NR2F1: variants seen among roughly 807,000 people sequenced by gnomAD.
NR2F1 encodes nuclear receptor subfamily 2 group F member 1.
NR2F1 carries 1 observed loss-of-function variant against 37.7 expected under a neutral mutation model. That is an observed-to-expected ratio of 0.03 (90% CI 0.01 to 0.13). The LOEUF is 0.13. NR2F1 is among the 10% of genes least tolerant of loss of function. The pLI is 1.00. For synonymous variants in NR2F1, 275 were observed against 259.6 expected (o/e 1.06, Z -0.57); for missense variants, 268 against 578.4 (o/e 0.46, Z 5.50).
Position 93,593,913 on chromosome 5 carries a change from A to AGCC in NR2F1, c.*74_*76dup. ...GACCCACCTGGGCCAAGGACTCCAA[A>AGCC]GCCGCGGGGACACCGGGAAGTGCAG... On this transcript the variant is annotated 3_prime_UTR_variant, in exon 3 of 3. Transcript: ENST00000327111. The surrounding 1 kb of genome is among the most constrained non-coding windows in gnomAD (Gnocchi z 5.6). 1 of 1,478,880 alleles carries AGCC rather than the reference A, an allele frequency of 6.8e-7. No individual in the cohort carries two copies. Among genetic ancestry groups the AGCC allele is most frequent in the South Asian group, 1.3e-5 (1 of 78,732 alleles). 91.6% of individuals were successfully genotyped at this position (1,478,880 alleles called of 1,614,324 possible).
chr5:93,583,787 C>G lies in NR2F1; in HGVS notation c.-1237C>G, dbSNP rs968701811. 4 of 152,248 alleles carry G rather than the reference C, an allele frequency of 2.6e-5. No individual in the cohort carries two copies. The highest frequency in any genetic ancestry group is 4.4e-5 in the Non-Finnish European group (3 of 68,012). 9.4% of individuals were successfully genotyped at this position (152,248 alleles called of 1,614,324 possible). ...TATTTATTCGACCTACTTTGGATGT[C>G]TCTCTCGCTTTTCCTTTTTCCTTTT... is the stretch of plus-strand genomic sequence containing the variant. On this transcript the variant is annotated 5_prime_UTR_variant, in exon 1 of 3. Coordinates refer to ENST00000327111, the MANE Select transcript of NR2F1 (RefSeq NM_005654.6).
rs1157996670 is a variant in NR2F1 at position 93,583,815 on chromosome 5, T to C, written c.-1209T>C. ...TCTCGCTTTTCCTTTTTCCTTTTTT[T>C]GGCAATTATTTTCTTCTGATTTTTA... On this transcript the variant is annotated 5_prime_UTR_variant, in exon 1 of 3. Transcript: ENST00000327111. The C allele has an allele frequency of 6.6e-6, 1 of 152,304 alleles. No individual in the cohort carries two copies. The highest frequency in any genetic ancestry group is 1.5e-5 in the Non-Finnish European group (1 of 68,022). The allele number at this position is 152,304 out of a possible 1,614,324, so 9.4% of individuals were successfully genotyped here. A position where few individuals can be genotyped will look rare whatever the true frequency, so the allele number is the denominator to read the frequency against.
chr5:93,585,493 A>G lies in NR2F1; in HGVS notation c.463+7A>G. On this transcript the variant is annotated splice_region_variant and intron_variant, in intron 1 of 2. Coordinates refer to ENST00000327111, the MANE Select transcript of NR2F1 (RefSeq NM_005654.6). Reference sequence around the variant, plus strand: ...GTGGGCATGAGGCGGGAAGGTGAATATTTCTTCTCTGCTTCTCTCCCCGCG... The same window carrying G: ...GTGGGCATGAGGCGGGAAGGTGAATGTTTCTTCTCTGCTTCTCTCCCCGCG... 1 of 1,602,794 alleles carries G rather than the reference A, an allele frequency of 6.2e-7. No individual in the cohort carries two copies. The highest frequency in any genetic ancestry group is 1.1e-5 in the South Asian group (1 of 90,766).
In NR2F1 at chr5:93,586,672, A is replaced by G. The variant is rs545318339; in HGVS notation, c.463+1186A>G. Among the ~76,000 whole-genome samples the G allele has an allele frequency of 2.6e-5, 4 of 152,300 alleles. No homozygotes were observed. The South Asian group carries it at 6.2e-4, about 24-fold the overall frequency. ...TGAATTCCTTCAGATCTCAAGGAGC[A>G]GACAAATATGACTACTTCATTTCTA... On this transcript the variant is annotated intron_variant, in intron 1 of 2. Coordinates refer to ENST00000327111, the MANE Select transcript of NR2F1 (RefSeq NM_005654.6).
chr5:93,587,581 G>T (rs1753254485), intron 1 of NR2F1: 1 of 279,854 alleles, frequency 3.6e-6, no homozygotes, highest in Admixed American at 5.2e-5. Context: ...GGTGAGTGGG[G>T]TTTCATTTAT....
At chr5:93,587,511 C>G (rs1206866823) in intron 1 of NR2F1, 2 of 185,414 alleles carry the variant, frequency 1.1e-5, no homozygotes, top group African/African-American at 4.7e-5. Context: ...TGCCTAGAAC[C>G]ACAACCTTTC....
At chr5:93,588,507 C>T in intron 2 of NR2F1, 63 bp downstream of exon 2, 1 of 1,209,514 alleles carries the variant, frequency 8.3e-7, no homozygotes. Context: ...CCGCGCCGCC[C>T]GGGCCTGGCC....
At chr5:93,586,740 T>G in intron 1 of NR2F1, among the ~76,000 whole-genome samples, 1 of 152,104 alleles carries the variant, frequency 6.6e-6, no homozygotes, top group African/African-American at 2.4e-5. Flanking sequence ...AAAAAAACTT[T>G]GAATTGTACT....
intron 2 of NR2F1, among the ~76,000 whole-genome samples, chr5:93,592,593 G>A (rs1753349822): frequency 6.6e-6 from 1 of 151,926 alleles, no homozygotes; most frequent in South Asian, 2.1e-4. Flanking sequence ...TCATTGTGCG[G>A]AGGTGCCTTT....
At position 93,588,119 on chromosome 5, in the gene NR2F1, G is replaced by A. The variant is rs764266826; in HGVS notation, c.666G>A (p.Leu222=). ...TGGGCATCGAGAACATCTGCGAGCT[G>A]GCCGCGCGCCTGCTCTTCAGCGCCG... ...NIMGIENICE[L]AARLLFSAVE... Residue 222 remains leucine (L), a synonymous_variant, in exon 2 of 3, where the codon CTG becomes CTA. Coordinates refer to ENST00000327111, the MANE Select transcript of NR2F1 (RefSeq NM_005654.6). The A allele has an allele frequency of 5.6e-6, 9 of 1,614,070 alleles. No homozygotes were observed. Among genetic ancestry groups the A allele is most frequent in the Admixed American group, 5.0e-5 (3 of 60,014 alleles).
rs547985564 is a variant in NR2F1 at position 93,588,209 on chromosome 5, A to G, written c.756A>G (p.Leu252=). 38 of 1,613,962 alleles carry G rather than the reference A, an allele frequency of 2.4e-5. No homozygotes were observed. In the African/African-American group the frequency reaches 3.1e-4, roughly 13 times the overall value. Residue 252 remains leucine, a synonymous_variant, in exon 2 of 3, where the codon CTA becomes CTG. Coordinates refer to ENST00000327111, the MANE Select transcript of NR2F1 (RefSeq NM_005654.6). The part of the protein sequence containing the change: ...DLQITDQVSL[L]RLTWSELFVL... The stretch of plus-strand genomic sequence containing the variant: ...AGATCACCGACCAGGTGTCCCTGCT[A>G]CGCCTCACCTGGAGCGAGCTGTTCG...
intron 2 of NR2F1, among the ~76,000 whole-genome samples, chr5:93,591,585 C>T (rs915944338): frequency 2.6e-5 from 4 of 152,048 alleles, no homozygotes; most frequent in African/African-American, 7.2e-5. Context: ...TCTCTTGGAG[C>T]GGCCTGTTTG....
chr5:93,593,853 C>T lies in NR2F1; in HGVS notation c.*11C>T, dbSNP rs1753376372. On this transcript the variant is annotated 3_prime_UTR_variant, in exon 3 of 3. Transcript: ENST00000327111. This position sits in a 1 kb window ranked among gnomAD's most constrained non-coding sequence, Gnocchi z 5.6. ...ATCCAGTGCTCCTAGACCTTGGGCG[C>T]TTCCCACCTGCCCCGTCCCCCTAGA... The T allele has an allele frequency of 6.2e-7, 1 of 1,611,028 alleles. No homozygotes were observed. Among genetic ancestry groups the T allele is most frequent in the African/African-American group, 1.3e-5 (1 of 74,878 alleles).
rs1753199151 is a variant in NR2F1 at position 93,584,897 on chromosome 5, C to T, written c.-127C>T. ...GCTCGGCTCCTGCGACCCCGGGGCG[C>T]CCGGCGGGCCCCCCGCCCCCTCCCC... On this transcript the variant is annotated 5_prime_UTR_variant, in exon 1 of 3. Transcript: ENST00000327111. 6.8e-6 allele frequency: 1 copy of T among 146,328 alleles called. No homozygotes were observed. The allele number at this position is 146,328 out of a possible 1,614,324, so 9.1% of individuals were successfully genotyped here.
Position 93,585,083 on chromosome 5 carries a change from C to T in NR2F1, c.60C>T (p.Pro20=), listed in dbSNP as rs753932507. The T allele has an allele frequency of 2.0e-5, 20 of 1,021,420 alleles. No individual in the cohort carries two copies. Among genetic ancestry groups the T allele is most frequent in the Admixed American group, 5.5e-5 (1 of 18,108 alleles). The allele number at this position is 1,021,420 out of a possible 1,614,324, so 63.3% of individuals were successfully genotyped here. Residue 20 remains proline (P), a synonymous_variant, in exon 1 of 3, where the codon CCC becomes CCT. Transcript: ENST00000327111. ...DPQDDVAGGN[P]GGPNPAAQAA... is the part of the protein sequence containing the mutation. The stretch of plus-strand genomic sequence containing the variant: ...AGGACGACGTGGCCGGGGGCAACCC[C>T]GGCGGCCCCAACCCCGCAGCGCAGG...
intron 1 of NR2F1, 49 bp downstream of exon 1, chr5:93,585,535 G>A: frequency 6.7e-7 from 1 of 1,492,148 alleles, no homozygotes; most frequent in African/African-American, 1.4e-5. Flanking sequence ...CCGCCTCCCT[G>A]GCTCTTTCTT....
intron 2 of NR2F1, among the ~76,000 whole-genome samples, chr5:93,592,852 A>T (rs1453148821): frequency 2.0e-5 from 3 of 152,074 alleles, no homozygotes; most frequent in Non-Finnish European, 4.4e-5. Context: ...TAAGGTATAG[A>T]TAGAAGTGTA....
rs1314855766 is a variant in NR2F1 at position 93,584,317 on chromosome 5, T to TCCTCCGCCGCCGCCGCCG, written c.-698_-681dup. On this transcript the variant is annotated 5_prime_UTR_variant, in exon 1 of 3. Transcript: ENST00000327111. ...GGCGCCTGCAGCCGCGACCTCCTCC[T>TCCTCCGCCGCCGCCGCCG]CCTCCGCCGCCGCCGCCGCCTCCGC... The TCCTCCGCCGCCGCCGCCG allele has an allele frequency of 6.7e-6, 1 of 148,880 alleles. No homozygotes were observed. The highest frequency in any genetic ancestry group is 2.5e-5 in the African/African-American group (1 of 40,584). The allele number at this position is 148,880 out of a possible 1,614,324, so 9.2% of individuals were successfully genotyped here. A position where few individuals can be genotyped will look rare whatever the true frequency, so the allele number is the denominator to read the frequency against.
intron 1 of NR2F1, chr5:93,585,720 G>A: frequency 2.3e-6 from 1 of 436,926 alleles, no homozygotes; most frequent in Non-Finnish European, 3.9e-6. Context: ...CCCCCACCCC[G>A]CCCGCTGCCT....
Sources: gnomAD v4.1 joint callset for allele counts (sites outside exome capture counted in the v4.1 genomes callset) on GRCh38, gnomAD v4.1.1 for gene constraint, Gnocchi (gnomAD v3.1) non-coding constraint, MANE v1.5 for transcripts, NCBI Gene and HGNC (gene_info 2026-07-23, HGNC 2026-07-21) for gene names.